The following IQCM variants were observed in gnomAD, a reference collection of about 807,000 sequenced individuals.
IQCM encodes IQ motif containing M.
IQCM carries 45 observed loss-of-function variants against 57.6 expected under a neutral mutation model. That is an observed-to-expected ratio of 0.78 (90% CI 0.62 to 1.00). The LOEUF (loss-of-function observed/expected upper bound fraction) is 1.00. Ranked by LOEUF, IQCM falls within the 50% of genes least tolerant of loss-of-function variation. IQCM has a pLI of 0.00. For missense variants in IQCM, 468 were observed against 511.6 expected (o/e 0.91, Z 0.82); for synonymous variants, 148 against 158.9 (o/e 0.93, Z 0.51).
chr4:149,586,393 A>C (rs1752645377), intron 9 of IQCM, among the ~76,000 whole-genome samples: 1 of 151,756 alleles, frequency 6.6e-6, no homozygotes, highest in African/African-American at 2.4e-5. Flanking sequence ...AATGACATGA[A>C]GTTATTTACA....
chr4:149,453,795 G>C (rs945362030), intron 12 of IQCM, among the ~76,000 whole-genome samples: 78 of 151,918 alleles, frequency 5.1e-4, no homozygotes, highest in African/African-American at 1.7e-3. Context: ...CAACAACTTT[G>C]CATAAGAGTT....
intron 5 of IQCM, among the ~76,000 whole-genome samples, chr4:149,693,295 C>T (rs991021544): frequency 6.6e-6 from 1 of 152,178 alleles, no homozygotes; most frequent in African/African-American, 2.4e-5. Context: ...GGTCCATGAC[C>T]TTGGCTATAT....
At chr4:149,657,882 A>G (rs932722369) in intron 7 of IQCM, among the ~76,000 whole-genome samples, 2 of 151,762 alleles carry the variant, frequency 1.3e-5, no homozygotes, top group South Asian at 2.1e-4. Context: ...AATTTCTTAT[A>G]TATTCTGGAT....
chr4:149,654,680 C>T (rs1759487508), intron 7 of IQCM, among the ~76,000 whole-genome samples: 1 of 152,074 alleles, frequency 6.6e-6, no homozygotes, highest in African/African-American at 2.4e-5. Flanking sequence ...AAGTGTCAAG[C>T]ATTATGAGAG....
At chr4:149,704,880 G>C (rs1764040255) in intron 5 of IQCM, among the ~76,000 whole-genome samples, 1 of 151,738 alleles carries the variant, frequency 6.6e-6, no homozygotes, top group East Asian at 1.9e-4. Flanking sequence ...AAAGCAAAAA[G>C]GCAGAAGAAG....
Position 149,415,111 on chromosome 4 carries a change from T to C in IQCM, c.1390+18285A>G, listed in dbSNP as rs116443415. ...ATGTCAATTATGCTGGAAAAAGAAA[T>C]GGATACTTTGATTAAAATGCCATCA... On this transcript the variant is annotated intron_variant, in intron 13 of 13. Transcript: ENST00000636793. 3.6e-3 allele frequency among the ~76,000 whole-genome samples: 542 copies of C among 152,284 alleles called. 4 individuals are homozygous for C. Among genetic ancestry groups the C allele is most frequent in the African/African-American group, 0.01 (419 of 41,576 alleles).
chr4:149,793,522 A>G (rs1037725556), intron 2 of IQCM: 3 of 152,176 alleles, frequency 2.0e-5, no homozygotes, highest in African/African-American at 7.2e-5. Flanking sequence ...TTTTAAGCAT[A>G]TATTATTTTA....
chr4:149,403,247 CT>C (rs1287325899), intron 13 of IQCM, among the ~76,000 whole-genome samples: 3 of 151,974 alleles, frequency 2.0e-5, no homozygotes, highest in South Asian at 2.1e-4. Flanking sequence ...TTTCTTTTTA[CT>C]TTTTTTCCTC....
chr4:149,765,465 C>G (rs1203408249), intron 2 of IQCM, among the ~76,000 whole-genome samples: 1 of 152,096 alleles, frequency 6.6e-6, no homozygotes, highest in Admixed American at 6.6e-5. Context: ...TCCAACCTCA[C>G]AAGCTAACTG....
At chr4:149,735,644 G>GA (rs1171453121) in intron 3 of IQCM, among the ~76,000 whole-genome samples, 186 bp from the exon 4 acceptor site, 3 of 152,002 alleles carry the variant, frequency 2.0e-5, no homozygotes, top group African/African-American at 4.8e-5. Flanking sequence ...CTTCAGTCCA[G>GA]AAAAAACAAA....
intron 12 of IQCM, among the ~76,000 whole-genome samples, chr4:149,481,705 T>TTTTTTTTTTTTGTTTG (rs1553975401): frequency 3.0e-5 from 4 of 133,146 alleles, no homozygotes; most frequent in African/African-American, 1.1e-4. Flanking sequence ...AGTTTTGTTT[T>TTTTTTTTTTTTGTTTG]TTTTTTTTTT....
chr4:149,358,632 G>A (rs577131987), intron 13 of IQCM, among the ~76,000 whole-genome samples: 1 of 152,112 alleles, frequency 6.6e-6, no homozygotes, highest in South Asian at 2.1e-4. Flanking sequence ...ATAAAAACAA[G>A]TCAAATCCTG....
At chr4:149,789,747 A>C (rs1484524409) in intron 2 of IQCM, among the ~76,000 whole-genome samples, 1 of 150,302 alleles carries the variant, frequency 6.7e-6, no homozygotes, top group Non-Finnish European at 1.5e-5. Flanking sequence ...CTAATAATAC[A>C]AAAAAATTGC....
chr4:149,750,410 G>A (rs1768320334), intron 2 of IQCM, among the ~76,000 whole-genome samples: 1 of 152,126 alleles, frequency 6.6e-6, no homozygotes, highest in Non-Finnish European at 1.5e-5. Context: ...TAGAAGCTAT[G>A]TCTTATTGTA....
chr4:149,715,260 G>A (rs1459984750), intron 5 of IQCM, among the ~76,000 whole-genome samples: 1 of 152,176 alleles, frequency 6.6e-6, no homozygotes, highest in African/African-American at 2.4e-5. Flanking sequence ...CAGGCATGGA[G>A]TGGCAAGGGG....
At chr4:149,592,488 T>A (rs1753294585) in intron 8 of IQCM, among the ~76,000 whole-genome samples, 2 of 152,044 alleles carry the variant, frequency 1.3e-5, no homozygotes, top group African/African-American at 4.8e-5. Context: ...AATTTTGGCT[T>A]TTGTTGCCAT....
chr4:149,544,823 G>A (rs1332521660), intron 12 of IQCM, among the ~76,000 whole-genome samples: 3 of 152,078 alleles, frequency 2.0e-5, no homozygotes, highest in South Asian at 4.1e-4. Flanking sequence ...AAATGGTGTT[G>A]GGCAAACTTG....
intron 5 of IQCM, among the ~76,000 whole-genome samples, chr4:149,705,592 T>C (rs903186924): frequency 6.6e-6 from 1 of 151,808 alleles, no homozygotes; most frequent in African/African-American, 2.4e-5. Context: ...AAGATATCAA[T>C]AGGCAAAAAT....
intron 2 of IQCM, among the ~76,000 whole-genome samples, chr4:149,772,244 T>C (rs1279551364): frequency 6.6e-6 from 1 of 152,122 alleles, no homozygotes; most frequent in African/African-American, 2.4e-5. Context: ...CCACTAATAG[T>C]TCATAAATAA....
Sources: gnomAD v4.1 joint callset for allele counts (sites outside exome capture counted in the v4.1 genomes callset) on GRCh38, gnomAD v4.1.1 for gene constraint, MANE v1.5 for transcripts, NCBI Gene and HGNC (gene_info 2026-07-23, HGNC 2026-07-21) for gene names.